Variants in CLIP1 observed in about 807,000 individuals in gnomAD.
The protein encoded by CLIP1 is CAP-Gly domain containing linker protein 1.
In CLIP1, 66 loss-of-function variants were observed where a neutral mutation model predicts 161.6. That is an observed-to-expected ratio of 0.41 (90% CI 0.33 to 0.50). The LOEUF (loss-of-function observed/expected upper bound fraction) is 0.50, where lower values mean the gene tolerates loss of function less well. Ranked by LOEUF, CLIP1 falls within the 20% of genes least tolerant of loss-of-function variation. The pLI, the probability that CLIP1 is intolerant of heterozygous loss-of-function variation, is 0.27. For synonymous variants in CLIP1, 598 were observed against 626.2 expected (o/e 0.96, Z 0.67); for missense variants, 1,376 against 1,702.0 (o/e 0.81, Z 3.37).
intron 20 of CLIP1, among the ~76,000 whole-genome samples, chr12:122,307,389 T>C (rs191796616): frequency 6.6e-6 from 1 of 152,162 alleles, no homozygotes; most frequent in African/African-American, 2.4e-5. Context: ...CATGAAATAA[T>C]GGTAAAGCAA....
chr12:122,362,519 T>C (rs1953900686), intron 4 of CLIP1, among the ~76,000 whole-genome samples: 1 of 150,814 alleles, frequency 6.6e-6, no homozygotes, highest in Non-Finnish European at 1.5e-5. Context: ...TGTGTGTCTG[T>C]AATCCCAGCT....
At chr12:122,287,834 T>C (rs1955919045) in intron 21 of CLIP1, among the ~76,000 whole-genome samples, 1 of 152,196 alleles carries the variant, frequency 6.6e-6, no homozygotes, top group African/African-American at 2.4e-5. Flanking sequence ...AAAATTTTCA[T>C]ATAATTGAAA....
At chr12:122,383,831 A>G (rs1265736027) in intron 1 of CLIP1, among the ~76,000 whole-genome samples, 1 of 151,564 alleles carries the variant, frequency 6.6e-6, no homozygotes. Context: ...CAATTCCAAA[A>G]AATGTGCAAA....
At position 122,278,143 on chromosome 12, in the gene CLIP1, A is replaced by G; in HGVS notation, c.3966+11T>C. 1 of 1,608,078 alleles carries G rather than the reference A, an allele frequency of 6.2e-7. No individual in the cohort carries two copies. Among genetic ancestry groups the G allele is most frequent in the Non-Finnish European group, 8.5e-7 (1 of 1,178,178 alleles). Reference sequence around the variant, plus strand: ...CAGCAAGAAAGTAAAGCAATAAGGCAGGAACATTACCTGACTCTCCTGGGC... The same window carrying G: ...CAGCAAGAAAGTAAAGCAATAAGGCGGGAACATTACCTGACTCTCCTGGGC... On this transcript the variant is annotated intron_variant, in intron 24 of 25. Coordinates refer to ENST00000620786, the MANE Select transcript of CLIP1 (RefSeq NM_001247997.2).
At chr12:122,411,009 T>G (rs1043869449) in intron 1 of CLIP1, among the ~76,000 whole-genome samples, 2 of 152,200 alleles carry the variant, frequency 1.3e-5, no homozygotes, top group African/African-American at 4.8e-5. Flanking sequence ...ACAACCACTT[T>G]GGAAAACAGT....
At chr12:122,379,943 TTA>T (rs1491438009) in intron 2 of CLIP1, among the ~76,000 whole-genome samples, 5 of 70,416 alleles carry the variant, frequency 7.1e-5, no homozygotes, top group East Asian at 5.4e-4. Context: ...GACTCCATCT[TTA>T]AAAAAAAAAA....
chr12:122,333,828 G>A (rs1304773917), intron 14 of CLIP1, among the ~76,000 whole-genome samples, 199 bp downstream of exon 14: 1 of 152,184 alleles, frequency 6.6e-6, no homozygotes, highest in East Asian at 1.9e-4. Flanking sequence ...GTAGATTCTG[G>A]CTCTTGTGAA....
intron 20 of CLIP1, among the ~76,000 whole-genome samples, chr12:122,292,834 T>C (rs907851499): frequency 6.1e-4 from 93 of 151,646 alleles, no homozygotes; most frequent in Admixed American, 2.6e-4. Context: ...AAACCCCGTC[T>C]CTACTAAAAA....
Position 122,364,024 on chromosome 12 carries a change from A to T in CLIP1, c.741T>A (p.Asp247Glu). The T allele has an allele frequency of 6.2e-7, 1 of 1,614,186 alleles. No individual in the cohort carries two copies. Among genetic ancestry groups the T allele is most frequent in the Non-Finnish European group, 8.5e-7 (1 of 1,180,032 alleles). The change falls in exon 4 of 26, where the codon GAT becomes GAA. Residue 247 changes from aspartate (D) to glutamate (E), a missense_variant. Transcript: ENST00000620786. The stretch of plus-strand genomic sequence containing the variant: ...CGCCATCATTCTTCCCAAGTGGCTC[A>T]TCTAACTCCACGCCACACCACTCCC... ...AKGEWCGVEL[D>E]EPLGKNDGAV...
At chr12:122,336,555 A>G (rs1458660044) in intron 12 of CLIP1, 77 bp downstream of exon 12, 8 of 746,542 alleles carry the variant, frequency 1.1e-5, no homozygotes, top group Admixed American at 2.1e-5. Flanking sequence ...AACAGCTACA[A>G]TATTTCTTAC....
intron 1 of CLIP1, among the ~76,000 whole-genome samples, chr12:122,403,494 GTTTTGTT>G (rs1302890251): frequency 3.6e-5 from 2 of 55,816 alleles, no homozygotes; most frequent in African/African-American, 9.6e-5. Context: ...ATCATTTCTT[GTTTTGTT>G]TTTTTTTTTT....
intron 3 of CLIP1, among the ~76,000 whole-genome samples, chr12:122,373,569 T>A (rs556567253): frequency 3.5e-4 from 53 of 151,520 alleles, no homozygotes; most frequent in African/African-American, 1.2e-3. Context: ...ATACTGTTTG[T>A]GGAAACAAAA....
intron 17 of CLIP1, chr12:122,322,134 C>T (rs575771576): frequency 2.0e-4 from 31 of 152,702 alleles, no homozygotes; most frequent in African/African-American, 7.2e-4. Flanking sequence ...TGAAGAGTCT[C>T]GAGCTCTCTA....
At chr12:122,371,541 C>G (rs1179002560) in intron 3 of CLIP1, among the ~76,000 whole-genome samples, 1 of 152,184 alleles carries the variant, frequency 6.6e-6, no homozygotes, top group Admixed American at 6.5e-5. Flanking sequence ...ACCAAATTGA[C>G]ATTTTAATTG....
chr12:122,373,432 GA>G (rs202091201), intron 3 of CLIP1, among the ~76,000 whole-genome samples: 140 of 106,924 alleles, frequency 1.3e-3, no homozygotes, highest in Admixed American at 5.9e-3. Flanking sequence ...TCAAAAAAAA[GA>G]AAAAAAAAAA....
chr12:122,278,058 G>T, intron 24 of CLIP1, 96 bp downstream of exon 24: 2 of 1,091,638 alleles, frequency 1.8e-6, no homozygotes, highest in South Asian at 1.3e-5. Flanking sequence ...AAGACTAAAT[G>T]ATACAAAAGG....
chr12:122,325,012 G>A (rs1951654580), intron 17 of CLIP1, among the ~76,000 whole-genome samples: 1 of 151,006 alleles, frequency 6.6e-6, no homozygotes, highest in African/African-American at 2.4e-5. Context: ...TTTGACCACA[G>A]TGTCTATACC....
intron 24 of CLIP1, chr12:122,275,634 A>ACACACGCGCG (rs1955383416): frequency 1.9e-5 from 2 of 104,246 alleles, no homozygotes; most frequent in African/African-American, 7.4e-5. Context: ...ATACACACAC[A>ACACACGCGCG]CACACACGCG....
chr12:122,418,763 TAAAA>T (rs1956838457), intron 1 of CLIP1, among the ~76,000 whole-genome samples: 1 of 151,318 alleles, frequency 6.6e-6, no homozygotes, highest in African/African-American at 2.5e-5. Context: ...ACCCTGTGTC[TAAAA>T]AAATAAAATA....
Sources: gnomAD v4.1 joint callset for allele counts (sites outside exome capture counted in the v4.1 genomes callset) on GRCh38, gnomAD v4.1.1 for gene constraint, MANE v1.5 for transcripts, NCBI Gene and HGNC (gene_info 2026-07-23, HGNC 2026-07-21) for gene names.